UBA6: variants seen among roughly 807,000 people sequenced by gnomAD.
The protein encoded by UBA6 is ubiquitin like modifier activating enzyme 6, also known as ubiquitin-like modifier-activating enzyme 6.
In UBA6, 87 loss-of-function variants were observed where a neutral mutation model predicts 148.3. The ratio of observed to expected loss-of-function variants is 0.59; its 90% CI spans 0.49 to 0.70. UBA6 has a LOEUF of 0.70. UBA6 is among the 30% of genes least tolerant of loss of function. The pLI is 0.00. For missense variants in UBA6, 1,186 were observed against 1,241.2 expected, an observed-to-expected ratio of 0.96 and a Z score of 0.67; for synonymous variants, 376 against 401.0, an observed-to-expected ratio of 0.94 and a Z score of 0.75.
chr4:67,699,475 C>A (rs905857322), intron 1 of UBA6, among the ~76,000 whole-genome samples: 2 of 152,168 alleles, frequency 1.3e-5, no homozygotes, highest in African/African-American at 4.8e-5. Context: ...AAAACTGATT[C>A]CAATTACCAA....
At chr4:67,672,746 A>G (rs552652168) in intron 7 of UBA6, among the ~76,000 whole-genome samples, 2 of 152,044 alleles carry the variant, frequency 1.3e-5, no homozygotes, top group Non-Finnish European at 2.9e-5. Context: ...AAATGTTTAC[A>G]TTTGCTGATT....
chr4:67,659,919 G>T (rs1441677136), intron 13 of UBA6, among the ~76,000 whole-genome samples: 2 of 152,190 alleles, frequency 1.3e-5, no homozygotes. Flanking sequence ...TAGAATAAAG[G>T]TGACTCTTAT....
chr4:67,698,736 G>A (rs1198556518), intron 1 of UBA6, among the ~76,000 whole-genome samples: 2 of 152,210 alleles, frequency 1.3e-5, no homozygotes, highest in African/African-American at 2.4e-5. Flanking sequence ...AAGGCAGGCG[G>A]ACCACCTGAA....
Position 67,637,442 on chromosome 4 carries a change from C to T in UBA6, c.1736+1501G>A, listed in dbSNP as rs564442082. Reference sequence around the variant, plus strand: ...CACCCCGTCTGGGAGGTGTACCCAACAGCTCATTGAGAACGGGCCATGATG... The same window carrying T: ...CACCCCGTCTGGGAGGTGTACCCAATAGCTCATTGAGAACGGGCCATGATG... On this transcript the variant is annotated intron_variant, in intron 19 of 32. Transcript: ENST00000322244. 1.3e-4 allele frequency among the ~76,000 whole-genome samples: 19 copies of T among 151,934 alleles called. 1 individual carries two copies. The East Asian group carries it at 3.3e-3, about 26-fold the overall frequency.
Position 67,613,567 on chromosome 4 carries a change from C to A in UBA6, c.*5430G>T, listed in dbSNP as rs1209723655. On this transcript the variant is annotated 3_prime_UTR_variant, in exon 33 of 33. Transcript: ENST00000322244. ...GAATAACCAAGATACTCTAAAAGAA[C>A]AATAAGTTGGGAGGATTTGTTTGGC... 1 of 151,888 alleles carries A rather than the reference C, an allele frequency of 6.6e-6. No homozygotes were observed. The highest frequency in any genetic ancestry group is 1.5e-5 in the Non-Finnish European group (1 of 67,956). The allele number at this position is 151,888 out of a possible 1,614,324, so 9.4% of individuals were successfully genotyped here.
intron 13 of UBA6, among the ~76,000 whole-genome samples, chr4:67,654,837 G>A (rs1296734523): frequency 6.9e-6 from 1 of 145,964 alleles, no homozygotes; most frequent in African/African-American, 2.5e-5. Context: ...AAGGGATGGA[G>A]GAAGATCTAC....
rs772723520 is a variant in UBA6, at chr4:67,641,117, C to T, written c.1554+34G>A. On this transcript the variant is annotated intron_variant, in intron 18 of 32. Transcript: ENST00000322244. Reference sequence around the variant, plus strand: ...AAAGGAAACTCTTTTTTGTATAATACATGATTTAAATTTGAAACAGAATAG... The same window carrying T: ...AAAGGAAACTCTTTTTTGTATAATATATGATTTAAATTTGAAACAGAATAG... The T allele has an allele frequency of 6.1e-6, 8 of 1,310,556 alleles. No homozygotes were observed. The Admixed American group carries it at 1.6e-4, about 25-fold the overall frequency. 81.2% of individuals were successfully genotyped at this position (1,310,556 alleles called of 1,614,324 possible). A position where few individuals can be genotyped will look rare whatever the true frequency, so the allele number is the denominator to read the frequency against.
intron 32 of UBA6, among the ~76,000 whole-genome samples, chr4:67,619,553 GT>G (rs1446553666): frequency 6.6e-6 from 1 of 152,134 alleles, no homozygotes; most frequent in African/African-American, 2.4e-5. Flanking sequence ...GCACATGCCC[GT>G]AATCCCAGCT....
intron 20 of UBA6, 54 bp downstream of exon 20, chr4:67,635,399 C>CA: frequency 8.6e-7 from 1 of 1,157,644 alleles, no homozygotes; most frequent in Non-Finnish European, 1.3e-6. Context: ...TTGATTAAGA[C>CA]AAAAATTACA....
chr4:67,625,336 G>A (rs1362359025), intron 28 of UBA6, 149 bp from the exon 29 acceptor site: 1 of 527,582 alleles, frequency 1.9e-6, no homozygotes, highest in East Asian at 3.4e-5. Context: ...GGCAACTAAT[G>A]TTATTGAAGG....
At position 67,677,607 on chromosome 4, in the gene UBA6, T is replaced by C. The variant is rs775009459; in HGVS notation, c.465+4A>G. The C allele has an allele frequency of 3.5e-6, 5 of 1,443,646 alleles. No homozygotes were observed. The highest frequency in any genetic ancestry group is 4.8e-6 in the Non-Finnish European group (5 of 1,035,304). The allele number at this position is 1,443,646 out of a possible 1,614,324, so 89.4% of individuals were successfully genotyped here. ...TAACATTTAATACAAAATGGAGTAC[T>C]AACCTGGTATTTATCTAAAAAGGAG... On this transcript the variant is annotated splice_donor_region_variant and intron_variant, in intron 6 of 32. Transcript: ENST00000322244.
intron 2 of UBA6, among the ~76,000 whole-genome samples, chr4:67,695,807 T>C (rs1730818686): frequency 2.0e-5 from 3 of 152,286 alleles, no homozygotes; most frequent in South Asian, 4.1e-4. Context: ...TTCCCAAGCA[T>C]AGAGTACAAA....
chr4:67,652,570 C>T (rs13119953), intron 13 of UBA6, among the ~76,000 whole-genome samples: 31,130 of 152,070 alleles, frequency 0.2, 3,434 homozygotes, highest in Middle Eastern at 0.3. Flanking sequence ...CCCAGATGGC[C>T]GAATAGGAAC....
chr4:67,635,514 A>G lies in UBA6; in HGVS notation c.1781T>C (p.Met594Thr), dbSNP rs1577796419. ...AACTTCAGTGTGTCCCTTAGTGCCC[A>G]TTGTTCCAGAATCTAAAAGAGGCCT... is the stretch of plus-strand genomic sequence containing the variant. Reference protein sequence around the residue: ...NLRPLLDSGTMGTKGHTEVIV... With the variant: ...NLRPLLDSGTTGTKGHTEVIV... Residue 594 changes from methionine to threonine, a missense_variant, in exon 20 of 33, where the codon ATG (methionine) becomes ACG (threonine). Coordinates refer to ENST00000322244, the MANE Select transcript of UBA6 (RefSeq NM_018227.6). 3 of 1,613,242 alleles carry G rather than the reference A, an allele frequency of 1.9e-6. No individual in the cohort carries two copies. The highest frequency in any genetic ancestry group is 1.7e-4 in the Middle Eastern group (1 of 6,058).
chr4:67,684,376 C>T (rs1730510007), intron 2 of UBA6, among the ~76,000 whole-genome samples: 1 of 152,074 alleles, frequency 6.6e-6, no homozygotes, highest in Non-Finnish European at 1.5e-5. Context: ...ACATTAAGAG[C>T]ATCTCAAGTT....
At chr4:67,649,493 A>G (rs1729502233) in intron 13 of UBA6, among the ~76,000 whole-genome samples, 1 of 152,194 alleles carries the variant, frequency 6.6e-6, no homozygotes, top group African/African-American at 2.4e-5. Context: ...TACCATTTAT[A>G]GTTTTTGTCA....
intron 32 of UBA6, 70 bp downstream of exon 32, chr4:67,622,761 T>C: frequency 1.8e-6 from 2 of 1,087,328 alleles, no homozygotes; most frequent in Non-Finnish European, 2.7e-6. Context: ...CCTCTATATT[T>C]AATTTTTTAG....
chr4:67,669,560 A>C (rs1057227695), intron 8 of UBA6, among the ~76,000 whole-genome samples: 1 of 152,160 alleles, frequency 6.6e-6, no homozygotes, highest in Non-Finnish European at 1.5e-5. Context: ...AAAGTAAATT[A>C]TTTAGGTAAA....
chr4:67,617,497 C>G lies in UBA6; in HGVS notation c.*1500G>C, dbSNP rs1728653986. On this transcript the variant is annotated 3_prime_UTR_variant, in exon 33 of 33. Coordinates refer to ENST00000322244, the MANE Select transcript of UBA6 (RefSeq NM_018227.6). ...CATCCTATCCACTTTTGCCCACTTC[C>G]CCATGTACAGATTATCCTTTAGTCA... The G allele has an allele frequency of 6.6e-6, 1 of 152,038 alleles. No individual in the cohort carries two copies. The highest frequency in any genetic ancestry group is 1.5e-5 in the Non-Finnish European group (1 of 67,940). 9.4% of individuals were successfully genotyped at this position (152,038 alleles called of 1,614,324 possible). A position where few individuals can be genotyped will look rare whatever the true frequency, so the allele number is the denominator to read the frequency against.
Sources: allele counts gnomAD v4.1 joint callset (sites outside exome capture counted in the v4.1 genomes callset), GRCh38; gene constraint gnomAD v4.1.1; transcripts MANE v1.5; gene names NCBI Gene and HGNC (gene_info 2026-07-23, HGNC 2026-07-21).